Variants in SLC24A4 observed in about 807,000 individuals in gnomAD.
SLC24A4 encodes sodium/potassium/calcium exchanger 4.
A neutral mutation model predicts 79.0 loss-of-function variants in SLC24A4; 53 were observed. The ratio of observed to expected loss-of-function variants is 0.67; its 90% confidence interval spans 0.54 to 0.84. SLC24A4 has a LOEUF of 0.84. Ranked by LOEUF, SLC24A4 falls within the 40% of genes least tolerant of loss-of-function variation. SLC24A4 has a pLI of 0.00. For synonymous variants in SLC24A4, 323 were observed against 323.8 expected, an observed-to-expected ratio of 1.00 and a Z score of 0.03; for missense variants, 731 against 822.0, an observed-to-expected ratio of 0.89 and a Z score of 1.35.
chr14:92,362,042 T>C (rs1199082502), intron 2 of SLC24A4, among the ~76,000 whole-genome samples: 1 of 152,184 alleles, frequency 6.6e-6, no homozygotes, highest in Non-Finnish European at 1.5e-5. Flanking sequence ...TGAACGCTGA[T>C]GGTGGTCTGG....
chr14:92,328,785 G>A (rs1885299926), intron 2 of SLC24A4, among the ~76,000 whole-genome samples: 1 of 152,252 alleles, frequency 6.6e-6, no homozygotes, highest in Admixed American at 6.5e-5. Flanking sequence ...GGCCAAGGGA[G>A]TGCTGGGCCC....
chr14:92,378,609 C>T (rs1045144864), intron 2 of SLC24A4, among the ~76,000 whole-genome samples: 1 of 152,202 alleles, frequency 6.6e-6, no homozygotes, highest in South Asian at 2.1e-4. Flanking sequence ...TATCTAAGTC[C>T]TTTGTCAGAT....
rs1202160475 is a variant in SLC24A4, at chr14:92,323,360, GGGC to G, written c.-467_-465del. ...GGGGAACATCGCCGGCTGGCAGCCG[GGGC>G]GGCCGCCGCCAAACTTGGAGGAGGA... On this transcript the variant is annotated 5_prime_UTR_variant, in exon 1 of 17. Transcript: ENST00000532405. The surrounding 1 kb of genome is among the most constrained non-coding windows in gnomAD (Gnocchi z 4.9). 6.6e-6 allele frequency: 1 copy of G among 152,348 alleles called. No individual in the cohort carries two copies. The highest frequency in any genetic ancestry group is 2.4e-5 in the African/African-American group (1 of 41,392). 9.4% of individuals were successfully genotyped at this position (152,348 alleles called of 1,614,324 possible). A position where few individuals can be genotyped will look rare whatever the true frequency, so the allele number is the denominator to read the frequency against.
chr14:92,447,477 C>A, intron 9 of SLC24A4, 53 bp downstream of exon 9: 1 of 1,526,306 alleles, frequency 6.6e-7, no homozygotes, highest in Non-Finnish European at 9.1e-7. Flanking sequence ...CCACTGCCTG[C>A]TACAGCCTTT....
rs1892988008 is a variant in SLC24A4, at chr14:92,449,201, C to T, written c.865C>T (p.Pro289Ser). 7 of 1,613,916 alleles carry T rather than the reference C, an allele frequency of 4.3e-6. No homozygotes were observed. The highest frequency in any genetic ancestry group is 5.9e-6 in the Non-Finnish European group (7 of 1,179,896). Residue 289 changes from proline (P) to serine (S), a missense_variant, in exon 10 of 17, where the codon CCA (proline) becomes TCA (serine). Coordinates refer to ENST00000532405, the MANE Select transcript of SLC24A4 (RefSeq NM_153646.4). ...CGGTAGCTATGATGACCCTTCCGTG[C>T]CATTGCTGGGGCAAGGTAAGGCTGA... Reference protein sequence around the residue: ...YDGSYDDPSVPLLGQVKEKPQ... With the variant: ...YDGSYDDPSVSLLGQVKEKPQ...
rs1280168970 is a variant in SLC24A4 at position 92,323,670 on chromosome 14, C to G, written c.-161C>G. On this transcript the variant is annotated 5_prime_UTR_variant, in exon 1 of 17. Transcript: ENST00000532405. This position sits in a 1 kb window ranked among gnomAD's most constrained non-coding sequence, Gnocchi z 4.9. ...CGTCCCCACCTTCCCAAGGGGCTCC[C>G]CCGCCGACCTCGCCCTCGGGCCATG... 1 of 885,740 alleles carries G rather than the reference C, an allele frequency of 1.1e-6. No homozygotes were observed. Among genetic ancestry groups the G allele is most frequent in the Non-Finnish European group, 1.6e-6 (1 of 624,432 alleles). The allele number at this position is 885,740 out of a possible 1,614,324, so 54.9% of individuals were successfully genotyped here.
chr14:92,434,539 G>C (rs1261137823), intron 3 of SLC24A4, among the ~76,000 whole-genome samples: 1 of 151,984 alleles, frequency 6.6e-6, no homozygotes, highest in Non-Finnish European at 1.5e-5. Flanking sequence ...TCTTTTTCTG[G>C]GCCAGTGATA....
At chr14:92,484,277 C>G in intron 13 of SLC24A4, 1 of 985,426 alleles carries the variant, frequency 1.0e-6, no homozygotes. Flanking sequence ...TCCCTCACCT[C>G]AGATGCTTCC....
rs767183798 is a variant in SLC24A4 at position 92,486,752 on chromosome 14, C to T, written c.1509C>T (p.Cys503=). The T allele has an allele frequency of 1.7e-5, 28 of 1,613,932 alleles. No homozygotes were observed. The highest frequency in any genetic ancestry group is 8.0e-5 in the African/African-American group (6 of 74,902). ...CAGCAGGGACAAGTGTTCCAGACTG[C>T]ATGGCCAGCCTAATTGTGGCGAGAC... ...FLAAGTSVPD[C]MASLIVARQG... Residue 503 remains cysteine, a synonymous_variant, in exon 14 of 17, where the codon TGC becomes TGT. Transcript: ENST00000532405.
intron 2 of SLC24A4, among the ~76,000 whole-genome samples, chr14:92,413,417 G>A (rs1890826154): frequency 6.6e-6 from 1 of 152,054 alleles, no homozygotes; most frequent in Non-Finnish European, 1.5e-5. Flanking sequence ...GAAATCCTGA[G>A]CCCAACTCTC....
At chr14:92,349,135 A>G (rs1886718102) in intron 2 of SLC24A4, among the ~76,000 whole-genome samples, 1 of 151,078 alleles carries the variant, frequency 6.6e-6, no homozygotes, top group South Asian at 2.1e-4. Flanking sequence ...CAGATTTCCA[A>G]TGTCTTCAAT....
chr14:92,484,556 G>A, intron 13 of SLC24A4: 1 of 985,400 alleles, frequency 1.0e-6, no homozygotes, highest in Non-Finnish European at 1.2e-6. Flanking sequence ...GTGTTTTAGT[G>A]AATGAAACAA....
At chr14:92,405,176 C>A (rs990793649) in intron 2 of SLC24A4, among the ~76,000 whole-genome samples, 6 of 152,168 alleles carry the variant, frequency 3.9e-5, no homozygotes, top group Admixed American at 2.0e-4. Context: ...CTATTGCAGA[C>A]CTTTCTTCAC....
chr14:92,367,751 G>C (rs1211316851), intron 2 of SLC24A4, among the ~76,000 whole-genome samples: 1 of 152,218 alleles, frequency 6.6e-6, no homozygotes, highest in Non-Finnish European at 1.5e-5. Flanking sequence ...CTCAGTCACT[G>C]TCTGCCCGTG....
chr14:92,376,080 G>A (rs930261937), intron 2 of SLC24A4, among the ~76,000 whole-genome samples: 8 of 152,150 alleles, frequency 5.3e-5, no homozygotes, highest in African/African-American at 1.4e-4. Flanking sequence ...TCTGTTTGCT[G>A]TGAGGCCAAA....
Position 92,490,106 on chromosome 14 carries a change from G to A in SLC24A4, c.1538-1559G>A, listed in dbSNP as rs544651035. ...GGTGACCTAGCTATGCAACATGGGC[G>A]GGCTGGCAGTCGAACAGAGATGGGC... On this transcript the variant is annotated intron_variant, in intron 14 of 16. Transcript: ENST00000532405. The surrounding 1 kb of genome is among the most constrained non-coding windows in gnomAD (Gnocchi z 4.3). Among the ~76,000 whole-genome samples, 72 of 152,292 alleles carry A rather than the reference G, an allele frequency of 4.7e-4. 1 individual carries two copies. The South Asian group carries it at 0.014, about 30-fold the overall frequency.
chr14:92,394,613 G>T (rs540614763), intron 2 of SLC24A4, among the ~76,000 whole-genome samples: 3 of 152,192 alleles, frequency 2.0e-5, no homozygotes, highest in South Asian at 4.2e-4. Context: ...ATCCAGATGG[G>T]AAATTTCTGA....
chr14:92,395,794 T>C (rs111294621), intron 2 of SLC24A4, among the ~76,000 whole-genome samples: 32 of 152,190 alleles, frequency 2.1e-4, no homozygotes, highest in African/African-American at 7.5e-4. Flanking sequence ...GTTTTTGTCA[T>C]GAGATGGTTA....
At chr14:92,397,696 G>A (rs1889855858) in intron 2 of SLC24A4, among the ~76,000 whole-genome samples, 1 of 152,148 alleles carries the variant, frequency 6.6e-6, no homozygotes, top group African/African-American at 2.4e-5. Flanking sequence ...AGACAAGGTT[G>A]GAATTGCTGG....
Sources: gnomAD v4.1 joint callset for allele counts (sites outside exome capture counted in the v4.1 genomes callset) on GRCh38, gnomAD v4.1.1 for gene constraint, Gnocchi (gnomAD v3.1) non-coding constraint, MANE v1.5 for transcripts, NCBI Gene and HGNC (gene_info 2026-07-23, HGNC 2026-07-21) for gene names.